Variants in RALYL observed in about 807,000 individuals in gnomAD.
RALYL encodes RNA-binding Raly-like protein.
RALYL carries 29 observed loss-of-function variants against 35.1 expected under a neutral mutation model. The ratio of observed to expected loss-of-function variants is 0.83; its 90% CI spans 0.61 to 1.13. RALYL has a LOEUF of 1.13. Among genes scored for constraint, RALYL ranks in the 50% most tolerant of loss-of-function variants. The pLI is 0.00. For missense variants in RALYL, 359 were observed against 360.4 expected (o/e 1.00, Z 0.03); for synonymous variants, 120 against 127.6 (o/e 0.94, Z 0.40).
chr8:84,497,239 C>T (rs2056132335), intron 1 of RALYL, among the ~76,000 whole-genome samples: 2 of 152,214 alleles, frequency 1.3e-5, no homozygotes, highest in African/African-American at 4.8e-5. Context: ...GGAGGCAAAA[C>T]CAGAGAGAGG....
intron 1 of RALYL, among the ~76,000 whole-genome samples, chr8:84,464,623 C>A (rs1184382991): frequency 6.6e-6 from 1 of 151,136 alleles, no homozygotes; most frequent in East Asian, 2.0e-4. Context: ...GTCTTTATAG[C>A]AGCATGATTT....
At chr8:84,514,357 C>T (rs1259392299) in intron 1 of RALYL, among the ~76,000 whole-genome samples, 6 of 152,028 alleles carry the variant, frequency 3.9e-5, no homozygotes, top group African/African-American at 1.4e-4. Context: ...GGTAAGTGGC[C>T]GTCTATCTAT....
intron 8 of RALYL, 146 bp downstream of exon 8, chr8:84,887,922 T>A (rs1362027048): frequency 1.5e-6 from 1 of 687,578 alleles, no homozygotes; most frequent in East Asian, 2.8e-5. Context: ...TATAGTGCTT[T>A]GCACATAATA....
At chr8:84,247,208 C>T (rs1306111117) in intron 1 of RALYL, among the ~76,000 whole-genome samples, 4 of 152,146 alleles carry the variant, frequency 2.6e-5, no homozygotes, top group Non-Finnish European at 5.9e-5. Flanking sequence ...AAGCCAGAAG[C>T]TTTCCACATT....
At chr8:84,523,482 A>T (rs28751114) in intron 1 of RALYL, among the ~76,000 whole-genome samples, 54,860 of 151,804 alleles carry the variant, frequency 0.36, 10,069 homozygotes, top group South Asian at 0.51. Flanking sequence ...GTGTTTTTTG[A>T]TATTTCTGTT....
intron 2 of RALYL, among the ~76,000 whole-genome samples, chr8:84,741,310 T>C (rs985761340): frequency 3.3e-5 from 5 of 152,032 alleles, no homozygotes; most frequent in African/African-American, 1.2e-4. Context: ...CCTCAGTGCC[T>C]ATTCCTCAGG....
chr8:84,385,747 C>T (rs182053671), intron 1 of RALYL, among the ~76,000 whole-genome samples: 1 of 151,892 alleles, frequency 6.6e-6, no homozygotes, highest in Non-Finnish European at 1.5e-5. Context: ...ACAGGGCTAG[C>T]TAGCCTTTGA....
intron 4 of RALYL, among the ~76,000 whole-genome samples, chr8:84,825,224 G>T (rs1829409770): frequency 6.6e-6 from 1 of 152,118 alleles, no homozygotes; most frequent in African/African-American, 2.4e-5. Flanking sequence ...CATACAGGCT[G>T]CCAACAAACA....
intron 7 of RALYL, among the ~76,000 whole-genome samples, chr8:84,884,706 C>T (rs1842695711): frequency 6.6e-6 from 1 of 151,948 alleles, no homozygotes; most frequent in South Asian, 2.1e-4. Flanking sequence ...TGTGTTGTAA[C>T]AAAAAGATAA....
intron 1 of RALYL, among the ~76,000 whole-genome samples, chr8:84,376,536 A>C (rs1170027209): frequency 6.6e-6 from 1 of 151,860 alleles, no homozygotes; most frequent in Non-Finnish European, 1.5e-5. Flanking sequence ...GGAGGCTAGC[A>C]AGTATAAGGC....
chr8:84,568,836 G>A (rs1446977915), intron 2 of RALYL, among the ~76,000 whole-genome samples: 9 of 150,898 alleles, frequency 6.0e-5, no homozygotes, highest in Admixed American at 4.6e-4. Context: ...TTTTTTGGCT[G>A]CATAAATGTC....
At chr8:84,185,006 A>G in intron 1 of RALYL, 1 of 1,613,954 alleles carries the variant, frequency 6.2e-7, no homozygotes, top group Non-Finnish European at 8.5e-7. Context: ...GCAATGAGTA[A>G]ACGACGCAGT....
intron 1 of RALYL, among the ~76,000 whole-genome samples, chr8:84,301,230 G>A (rs1228653125): frequency 6.6e-6 from 1 of 151,928 alleles, no homozygotes; most frequent in Non-Finnish European, 1.5e-5. Context: ...TCACTTGTAG[G>A]ATTCCTGATG....
chr8:84,424,149 C>T (rs1357869945), intron 1 of RALYL, among the ~76,000 whole-genome samples: 5 of 150,760 alleles, frequency 3.3e-5, no homozygotes, highest in African/African-American at 4.9e-5. Flanking sequence ...GAGTGTTTTC[C>T]AACTTGGTTC....
chr8:84,392,628 G>C (rs944117715), intron 1 of RALYL, among the ~76,000 whole-genome samples: 1 of 151,990 alleles, frequency 6.6e-6, no homozygotes, highest in South Asian at 2.1e-4. Flanking sequence ...ACTGTAAAGA[G>C]ACATCAGGAA....
intron 2 of RALYL, among the ~76,000 whole-genome samples, chr8:84,672,145 G>A (rs148026234): frequency 0.021 from 3,255 of 152,224 alleles, 132 homozygotes; most frequent in African/African-American, 0.074. Context: ...CAAGTTCAAA[G>A]TTTCACAGAT....
At chr8:84,918,684 T>C (rs943855718) in intron 8 of RALYL, among the ~76,000 whole-genome samples, 1 of 152,156 alleles carries the variant, frequency 6.6e-6, no homozygotes, top group African/African-American at 2.4e-5. Flanking sequence ...CAGCAAGCCT[T>C]TTCTCATACT....
At chr8:84,434,813 TA>T (rs1280455893) in intron 1 of RALYL, among the ~76,000 whole-genome samples, 1 of 152,008 alleles carries the variant, frequency 6.6e-6, no homozygotes, top group Non-Finnish European at 1.5e-5. Context: ...TCTGGCAAAT[TA>T]AAAAAATATA....
intron 1 of RALYL, among the ~76,000 whole-genome samples, chr8:84,285,669 C>T (rs183270201): frequency 1.5e-3 from 221 of 152,110 alleles, no homozygotes; most frequent in African/African-American, 4.9e-3. Context: ...GAAGATACTT[C>T]GCTCAAGGAA....
Sources: gnomAD v4.1 joint callset for allele counts (sites outside exome capture counted in the v4.1 genomes callset) on GRCh38, gnomAD v4.1.1 for gene constraint, MANE v1.5 for transcripts, NCBI Gene and HGNC (gene_info 2026-07-23, HGNC 2026-07-21) for gene names.